Variants in PPME1 observed in about 807,000 individuals in gnomAD.
PPME1 encodes testicular secretory protein Li 39.
A neutral mutation model predicts 56.9 loss-of-function variants in PPME1; 17 were observed. The observed-to-expected ratio is 0.30, with a 90% CI of 0.20 to 0.45. The LOEUF is 0.45. Ranked by LOEUF, PPME1 falls within the 20% of genes least tolerant of loss-of-function variation. The pLI is 1.00. For synonymous variants in PPME1, 122 were observed against 156.2 expected, an observed-to-expected ratio of 0.78 and a Z score of 1.63; for missense variants, 357 against 483.2, an observed-to-expected ratio of 0.74 and a Z score of 2.45.
chr11:74,232,118 G>T (rs511006), intron 7 of PPME1, among the ~76,000 whole-genome samples: 151,149 of 152,342 alleles, frequency 0.99, 74,988 homozygotes, highest in East Asian at 1. Flanking sequence ...CCCAGATGAC[G>T]CTTTCAGCAA....
At chr11:74,235,646 A>T in intron 7 of PPME1, 1 of 433,516 alleles carries the variant, frequency 2.3e-6, no homozygotes, top group Middle Eastern at 6.9e-4. Flanking sequence ...GTGCTTTTTG[A>T]ATACAGGCCT....
At chr11:74,251,327 C>T in intron 12 of PPME1, 2 of 1,361,984 alleles carry the variant, frequency 1.5e-6, no homozygotes, top group South Asian at 3.8e-5. Context: ...AGGGTAGAAA[C>T]TGCTCCCTAA....
At chr11:74,185,758 A>G (rs1244800003) in intron 1 of PPME1, among the ~76,000 whole-genome samples, 1 of 151,808 alleles carries the variant, frequency 6.6e-6, no homozygotes, top group Non-Finnish European at 1.5e-5. Context: ...TTTATTTTCT[A>G]ATTTAGGCAA....
chr11:74,206,141 C>A (rs1858320824), intron 3 of PPME1, among the ~76,000 whole-genome samples: 1 of 152,118 alleles, frequency 6.6e-6, no homozygotes, highest in South Asian at 2.1e-4. Context: ...AAATAGATTG[C>A]AAAATTTTTT....
rs148726671 is a variant in PPME1, at chr11:74,206,833, C to T, written c.288+2388C>T. 6.5e-3 allele frequency among the ~76,000 whole-genome samples: 956 copies of T among 147,334 alleles called. 9 individuals are homozygous for T. The highest frequency in any genetic ancestry group is 0.022 in the African/African-American group (813 of 36,792). On this transcript the variant is annotated intron_variant, in intron 3 of 13. Transcript: ENST00000328257. ...CTTCCTCCCTCAGCCTTGCAAAGTG[C>T]TGAGAATACAGGCGTGAGCCACCAA...
chr11:74,251,923 G>A (rs1380862973), intron 13 of PPME1: 3 of 751,542 alleles, frequency 4.0e-6, no homozygotes, highest in Non-Finnish European at 7.2e-6. Context: ...ACGGGTTGAT[G>A]CTGAGGCTGT....
chr11:74,215,133 C>T (rs1858595276), intron 3 of PPME1, among the ~76,000 whole-genome samples: 1 of 152,098 alleles, frequency 6.6e-6, no homozygotes, highest in Non-Finnish European at 1.5e-5. Flanking sequence ...ATTGCTTGAG[C>T]CCAGGAATTT....
chr11:74,173,189 A>G (rs1205305006), intron 1 of PPME1, among the ~76,000 whole-genome samples: 2 of 152,346 alleles, frequency 1.3e-5, no homozygotes, highest in South Asian at 2.1e-4. Context: ...TAACATGAAT[A>G]AAGAGAATTT....
intron 1 of PPME1, among the ~76,000 whole-genome samples, chr11:74,196,001 A>G (rs76260873): frequency 1.3e-5 from 2 of 152,232 alleles, no homozygotes; most frequent in East Asian, 3.8e-4. Context: ...CATGTGGCTC[A>G]ACTATAAACA....
intron 1 of PPME1, among the ~76,000 whole-genome samples, chr11:74,191,413 C>G (rs1857833628): frequency 6.6e-6 from 1 of 152,114 alleles, no homozygotes; most frequent in Non-Finnish European, 1.5e-5. Flanking sequence ...GCAACCTGGC[C>G]CTCTGGTAGA....
In PPME1 at chr11:74,254,127, C is replaced by G. The variant is rs1859775702; in HGVS notation, c.*617C>G. The G allele has an allele frequency of 6.5e-6, 1 of 153,514 alleles. No individual in the cohort carries two copies. The highest frequency in any genetic ancestry group is 1.5e-5 in the Non-Finnish European group (1 of 68,720). The allele number at this position is 153,514 out of a possible 1,614,324, so 9.5% of individuals were successfully genotyped here. Reference sequence around the variant, plus strand: ...AAATCAGGTCCAGCCGGTCCAAGCACATGGCCTCCCATCTGGGAGAGCCCA... The same window carrying G: ...AAATCAGGTCCAGCCGGTCCAAGCAGATGGCCTCCCATCTGGGAGAGCCCA... On this transcript the variant is annotated 3_prime_UTR_variant, in exon 14 of 14. Transcript: ENST00000328257.
intron 1 of PPME1, among the ~76,000 whole-genome samples, chr11:74,201,136 C>T (rs1402295969): frequency 2.0e-5 from 3 of 152,036 alleles, no homozygotes; most frequent in African/African-American, 2.4e-5. Context: ...CCACCACACC[C>T]GGCTAATTTT....
intron 5 of PPME1, among the ~76,000 whole-genome samples, chr11:74,227,164 T>C (rs1333329163): frequency 1.3e-5 from 2 of 152,136 alleles, no homozygotes; most frequent in Non-Finnish European, 2.9e-5. Context: ...TGTGCAGGAA[T>C]TGGCAGGAGT....
chr11:74,209,426 C>T (rs1281181150), intron 3 of PPME1, among the ~76,000 whole-genome samples: 2 of 152,128 alleles, frequency 1.3e-5, no homozygotes, highest in East Asian at 1.9e-4. Context: ...TTAAACACAA[C>T]ATTTACCCCA....
chr11:74,225,654 T>C (rs1322977164), intron 5 of PPME1, among the ~76,000 whole-genome samples: 1 of 152,186 alleles, frequency 6.6e-6, no homozygotes, highest in Non-Finnish European at 1.5e-5. Flanking sequence ...ACATTCTTCG[T>C]CTTATGTCAT....
chr11:74,208,036 C>T (rs767906711), intron 3 of PPME1, among the ~76,000 whole-genome samples: 1 of 151,992 alleles, frequency 6.6e-6, no homozygotes, highest in African/African-American at 2.4e-5. Flanking sequence ...CTTCAGGGTC[C>T]GGCATGGTGG....
At chr11:74,211,723 G>C (rs897301712) in intron 3 of PPME1, among the ~76,000 whole-genome samples, 1 of 151,900 alleles carries the variant, frequency 6.6e-6, no homozygotes, top group Admixed American at 6.6e-5. Flanking sequence ...ATAGGCAAAG[G>C]GTTAATATTT....
At chr11:74,218,896 G>A (rs1168393727) in intron 3 of PPME1, among the ~76,000 whole-genome samples, 1 of 152,032 alleles carries the variant, frequency 6.6e-6, no homozygotes, top group Non-Finnish European at 1.5e-5. Flanking sequence ...ATGGGATCAT[G>A]TCAAGTTAAA....
rs1434965233 is a variant in PPME1 at position 74,230,153 on chromosome 11, T to G, written c.399-92T>G. 1 of 1,384,734 alleles carries G rather than the reference T, an allele frequency of 7.2e-7. No individual in the cohort carries two copies. Among genetic ancestry groups the G allele is most frequent in the Non-Finnish European group, 9.8e-7 (1 of 1,015,534 alleles). 85.8% of individuals were successfully genotyped at this position (1,384,734 alleles called of 1,614,324 possible). On this transcript the variant is annotated intron_variant, in intron 5 of 13. Transcript: ENST00000328257. This position sits in a 1 kb window ranked among gnomAD's most constrained non-coding sequence, Gnocchi z 4.9. Reference sequence around the variant, plus strand: ...ATAGACTTTTACAGTTTCCCAGCACTGTTACACACCAAAGAAAGGAACTGG... The same window carrying G: ...ATAGACTTTTACAGTTTCCCAGCACGGTTACACACCAAAGAAAGGAACTGG...
Sources: gnomAD v4.1 joint callset for allele counts (sites outside exome capture counted in the v4.1 genomes callset) on GRCh38, gnomAD v4.1.1 for gene constraint, Gnocchi (gnomAD v3.1) non-coding constraint, MANE v1.5 for transcripts, NCBI Gene and HGNC (gene_info 2026-07-23, HGNC 2026-07-21) for gene names.